Variants in MAPK9 observed in about 807,000 individuals in gnomAD.
MAPK9 encodes mitogen-activated protein kinase 9, also known as Jun kinase.
MAPK9 carries 30 observed loss-of-function variants against 57.1 expected under a neutral mutation model. The observed-to-expected ratio is 0.53, with a 90% confidence interval of 0.39 to 0.71. MAPK9 has a LOEUF of 0.71. Ranked by LOEUF, MAPK9 falls within the 30% of genes least tolerant of loss-of-function variation. The pLI, the probability that MAPK9 is intolerant of heterozygous loss-of-function variation, is 0.00. For missense variants in MAPK9, 362 were observed against 521.0 expected (o/e 0.69, Z 2.97); for synonymous variants, 155 against 177.0 (o/e 0.88, Z 0.99).
intron 3 of MAPK9, among the ~76,000 whole-genome samples, chr5:180,268,005 T>C (rs1403362058): frequency 9.2e-5 from 14 of 152,068 alleles, no homozygotes; most frequent in Admixed American, 4.6e-4. Context: ...TTGTACTTTT[T>C]AGTAGAGATG....
At chr5:180,261,866 G>A (rs1489500410) in intron 4 of MAPK9, 44 bp from the exon 5 acceptor site, 31 of 1,527,586 alleles carry the variant, frequency 2.0e-5, no homozygotes, top group Non-Finnish European at 2.6e-5. Flanking sequence ...ATTATCCAAA[G>A]TTCCTTTATG....
intron 7 of MAPK9, among the ~76,000 whole-genome samples, chr5:180,245,714 A>G (rs1758033059): frequency 6.6e-6 from 1 of 152,188 alleles, no homozygotes; most frequent in African/African-American, 2.4e-5. Context: ...TAAATTTCTC[A>G]AGGATGCATG....
chr5:180,254,174 C>T (rs765670680), intron 5 of MAPK9, among the ~76,000 whole-genome samples: 19 of 152,126 alleles, frequency 1.2e-4, no homozygotes, highest in Non-Finnish European at 2.2e-4. Flanking sequence ...ACCATGTTGA[C>T]CAGGCTGGTG....
rs534245249 is a variant in MAPK9, at chr5:180,248,376, T to C, written c.616+597A>G. Among the ~76,000 whole-genome samples the C allele has an allele frequency of 2.6e-5, 4 of 152,372 alleles. 1 individual carries two copies. The South Asian group carries it at 6.2e-4, about 24-fold the overall frequency. On this transcript the variant is annotated intron_variant, in intron 6 of 11. Coordinates refer to ENST00000452135, the MANE Select transcript of MAPK9 (RefSeq NM_002752.5). The stretch of plus-strand genomic sequence containing the variant: ...AACCTGTAGCAAAACTCATTTCAGA[T>C]GACCCGGGCAAACTTTCAGTCTTTT...
rs905900863 is a variant in MAPK9 at position 180,234,017 on chromosome 5, G to A, written c.*2367C>T. ...TGTCTGCTCTCTGGACTCTGCCCTT[G>A]AAACTGAGACCTGGACATGGGGGAG... On this transcript the variant is annotated 3_prime_UTR_variant, in exon 12 of 12. Transcript: ENST00000452135. 3.9e-5 allele frequency: 6 copies of A among 152,214 alleles called. No homozygotes were observed. Among genetic ancestry groups the A allele is most frequent in the Admixed American group, 2.0e-4 (3 of 15,286 alleles). The allele number at this position is 152,214 out of a possible 1,614,324, so 9.4% of individuals were successfully genotyped here. A position where few individuals can be genotyped will look rare whatever the true frequency, so the allele number is the denominator to read the frequency against.
At chr5:180,263,659 T>C (rs1343310048) in intron 4 of MAPK9, among the ~76,000 whole-genome samples, 3 of 151,798 alleles carry the variant, frequency 2.0e-5, no homozygotes, top group Non-Finnish European at 2.9e-5. Flanking sequence ...TGTCTGTTCC[T>C]TCTATCTCCA....
chr5:180,238,016 A>G (rs1757320076), intron 11 of MAPK9: 1 of 203,002 alleles, frequency 4.9e-6, no homozygotes, highest in Non-Finnish European at 1.0e-5. Flanking sequence ...GCGTGCCTGT[A>G]ATCCCACCAC....
chr5:180,288,648 A>G (rs989533328), intron 1 of MAPK9, among the ~76,000 whole-genome samples: 21 of 152,208 alleles, frequency 1.4e-4, no homozygotes, highest in Admixed American at 3.9e-4. Context: ...AGTCTGACTC[A>G]AAGTCCTGAT....
intron 3 of MAPK9, among the ~76,000 whole-genome samples, chr5:180,265,457 G>C (rs1287074626): frequency 1.3e-5 from 2 of 152,210 alleles, no homozygotes; most frequent in African/African-American, 4.8e-5. Context: ...GACAGTGAGT[G>C]AGTTCTCAGG....
chr5:180,273,955 A>G lies in MAPK9; in HGVS notation c.123-4546T>C, dbSNP rs536539481. On this transcript the variant is annotated intron_variant, in intron 2 of 11. Coordinates refer to ENST00000452135, the MANE Select transcript of MAPK9 (RefSeq NM_002752.5). Reference sequence around the variant, plus strand: ...CATTCTAGGGTTTTTATTTTTACATATAAATTTTAAAATCAGTTTGTTCAT... The same window carrying G: ...CATTCTAGGGTTTTTATTTTTACATGTAAATTTTAAAATCAGTTTGTTCAT... Among the ~76,000 whole-genome samples, 11 of 151,710 alleles carry G rather than the reference A, an allele frequency of 7.3e-5. No homozygotes were observed. In the South Asian group the frequency reaches 2.3e-3, roughly 32 times the overall value.
At chr5:180,287,802 C>A (rs186186476) in intron 1 of MAPK9, among the ~76,000 whole-genome samples, 1 of 152,184 alleles carries the variant, frequency 6.6e-6, no homozygotes, top group Non-Finnish European at 1.5e-5. Context: ...TCCCAGTATT[C>A]GCTTTAGATT....
At chr5:180,291,423 TC>T (rs1316747348) in intron 1 of MAPK9, among the ~76,000 whole-genome samples, 1 of 152,136 alleles carries the variant, frequency 6.6e-6, no homozygotes, top group Admixed American at 6.5e-5. Flanking sequence ...CTGCATACAT[TC>T]ACACAGCCTG....
At chr5:180,252,377 TG>T (rs1439994669) in intron 5 of MAPK9, among the ~76,000 whole-genome samples, 1 of 152,134 alleles carries the variant, frequency 6.6e-6, no homozygotes, top group Non-Finnish European at 1.5e-5. Flanking sequence ...GCCGTAAGCC[TG>T]TGGCCGTCTG....
In MAPK9 at chr5:180,239,908, T is replaced by C. The variant is rs775245235; in HGVS notation, c.1060+16A>G. The C allele has an allele frequency of 6.2e-7, 1 of 1,608,490 alleles. No individual in the cohort carries two copies. ...GAAATGTCAAAAGGAAGGATCAAAA[T>C]AAGCTCCATCTTTACCTTTCCATTC... On this transcript the variant is annotated intron_variant, in intron 10 of 11. Transcript: ENST00000452135.
In MAPK9 at chr5:180,248,955, A is replaced by G; in HGVS notation, c.616+18T>C. Reference sequence around the variant, plus strand: ...ATTTCTAAACATCCCAGCCTCTTCCAGCCCCGGCTATACTCACCGTTCTCT... The same window carrying G: ...ATTTCTAAACATCCCAGCCTCTTCCGGCCCCGGCTATACTCACCGTTCTCT... On this transcript the variant is annotated intron_variant, in intron 6 of 11. Coordinates refer to ENST00000452135, the MANE Select transcript of MAPK9 (RefSeq NM_002752.5). 1.3e-6 allele frequency: 2 copies of G among 1,577,818 alleles called. No individual in the cohort carries two copies. Among genetic ancestry groups the G allele is most frequent in the Non-Finnish European group, 1.7e-6 (2 of 1,161,952 alleles).
intron 2 of MAPK9, among the ~76,000 whole-genome samples, chr5:180,271,432 G>A (rs1270125526): frequency 6.6e-6 from 1 of 151,996 alleles, no homozygotes; most frequent in Non-Finnish European, 1.5e-5. Context: ...ATCCCCAATC[G>A]CCAACACCTC....
chr5:180,244,367 C>T (rs1175982615), intron 7 of MAPK9, among the ~76,000 whole-genome samples: 2 of 152,208 alleles, frequency 1.3e-5, no homozygotes, highest in Non-Finnish European at 2.9e-5. Flanking sequence ...TCTACCAATA[C>T]ATTCCACCAC....
Position 180,247,617 on chromosome 5 carries a change from T to C in MAPK9, c.617-107A>G. The C allele has an allele frequency of 1.6e-5, 17 of 1,085,764 alleles. No homozygotes were observed. Among genetic ancestry groups the C allele is most frequent in the East Asian group, 2.6e-5 (1 of 38,974 alleles). 67.3% of individuals were successfully genotyped at this position (1,085,764 alleles called of 1,614,324 possible). The stretch of plus-strand genomic sequence containing the variant: ...AAACACACAAATATGGAAAAATAAA[T>C]TGCTAGCTAAGGGTGACATTTTACA... On this transcript the variant is annotated intron_variant, in intron 6 of 11. Transcript: ENST00000452135. The surrounding 1 kb of genome is among the most constrained non-coding windows in gnomAD (Gnocchi z 4.5).
rs1391808239 is a variant in MAPK9 at position 180,241,063 on chromosome 5, T to C, written c.964A>G (p.Thr322Ala). 2 of 1,613,762 alleles carry C rather than the reference T, an allele frequency of 1.2e-6. No individual in the cohort carries two copies. The highest frequency in any genetic ancestry group is 1.3e-5 in the African/African-American group (1 of 74,994). The change falls in exon 9 of 12, where the codon ACT becomes GCT. Residue 322 changes from threonine to alanine, a missense_variant. Around this residue, in one of 3 missense-constraint regions of MAPK9, gnomAD observed 199 missense variants for 251.3 expected, o/e 0.79. Transcript: ENST00000452135. Reference sequence around the variant, plus strand: ...GCTTCGGCGGGGTCATACCAAACAGTGATGTATGGGTGACGCAGAGCTTCG... The same window carrying C: ...GCTTCGGCGGGGTCATACCAAACAGCGATGTATGGGTGACGCAGAGCTTCG... ...VDEALRHPYI[T>A]VWYDPAEAEA... is the part of the protein sequence containing the mutation.
Sources: allele counts gnomAD v4.1 joint callset (sites outside exome capture counted in the v4.1 genomes callset), GRCh38; gene constraint gnomAD v4.1.1; regional missense constraint gnomAD v4.1.1; non-coding constraint Gnocchi (gnomAD v3.1); transcripts MANE v1.5; gene names NCBI Gene and HGNC (gene_info 2026-07-23, HGNC 2026-07-21).